The following TNFRSF11B variants were observed in gnomAD, a reference collection of about 807,000 sequenced individuals.
TNFRSF11B encodes tumor necrosis factor receptor superfamily member 11B.
In TNFRSF11B, 16 loss-of-function variants were observed where a neutral mutation model predicts 43.4. That is an observed-to-expected ratio of 0.37 (90% CI 0.25 to 0.56). The LOEUF (loss-of-function observed/expected upper bound fraction) is 0.56, where lower values mean the gene tolerates loss of function less well. TNFRSF11B is among the 20% of genes least tolerant of loss of function. The pLI is 0.80. For synonymous variants in TNFRSF11B, 185 were observed against 181.8 expected (o/e 1.02, Z -0.14); for missense variants, 444 against 490.1 (o/e 0.91, Z 0.89).
chr8:118,933,397 CT>C, intron 1 of TNFRSF11B, 97 bp from the exon 2 acceptor site: 1 of 1,564,148 alleles, frequency 6.4e-7, no homozygotes. Context: ...CCTGTATTAC[CT>C]TAAGCCTAAT....
Position 118,933,059 on chromosome 8 carries a change from T to C in TNFRSF11B, c.272A>G (p.Gln91Arg), listed in dbSNP as rs1563690435. 6.2e-7 allele frequency: 1 copy of C among 1,614,102 alleles called. No individual in the cohort carries two copies. Among genetic ancestry groups the C allele is most frequent in the Non-Finnish European group, 8.5e-7 (1 of 1,180,052 alleles). Reference sequence around the variant, plus strand: ...GCGATTGCACTCCTGCTTGACGTACTGCAGCTCCTTGCACACGGGGCTGCA... The same window carrying C: ...GCGATTGCACTCCTGCTTGACGTACCGCAGCTCCTTGCACACGGGGCTGCA... Reference protein sequence around the residue: ...LYCSPVCKELQYVKQECNRTH... With the variant: ...LYCSPVCKELRYVKQECNRTH... Residue 91 changes from glutamine (Q) to arginine (R), a missense_variant, in exon 2 of 5, where the codon CAG (glutamine) becomes CGG (arginine). By Grantham distance (43) the Gln-to-Arg change is conservative. Transcript: ENST00000297350.
chr8:118,936,415 T>C (rs1192377030), intron 1 of TNFRSF11B, among the ~76,000 whole-genome samples: 1 of 152,098 alleles, frequency 6.6e-6, no homozygotes, highest in African/African-American at 2.4e-5. Flanking sequence ...GATGTTTAGG[T>C]CTCAATCTTT....
At position 118,923,979 on chromosome 8, in the gene TNFRSF11B, T is replaced by C. The variant is rs1812215314; in HGVS notation, c.*395A>G. On this transcript the variant is annotated 3_prime_UTR_variant, in exon 5 of 5. Transcript: ENST00000297350. ...TGTAATAGTGTTACAGATATATTAG[T>C]AACTTTTACAGAAAAAAATATGGCT... 5.6e-6 allele frequency: 1 copy of C among 179,978 alleles called. No individual in the cohort carries two copies. Among genetic ancestry groups the C allele is most frequent in the Non-Finnish European group, 1.2e-5 (1 of 83,142 alleles). 11.1% of individuals were successfully genotyped at this position (179,978 alleles called of 1,614,324 possible). A position where few individuals can be genotyped will look rare whatever the true frequency, so the allele number is the denominator to read the frequency against.
At chr8:118,935,592 T>C (rs1282245464) in intron 1 of TNFRSF11B, among the ~76,000 whole-genome samples, 1 of 152,122 alleles carries the variant, frequency 6.6e-6, no homozygotes, top group African/African-American at 2.4e-5. Flanking sequence ...AATTCTCCTA[T>C]AATATATATA....
chr8:118,947,531 C>T (rs374212919), intron 1 of TNFRSF11B, among the ~76,000 whole-genome samples: 115 of 152,196 alleles, frequency 7.6e-4, no homozygotes, highest in African/African-American at 2.7e-3. Flanking sequence ...GCTGGACATC[C>T]TGAACAATAA....
rs1168202675 is a variant in TNFRSF11B, at chr8:118,951,823, G to A, written c.-2C>T. ...CGCGCAGCACAGCAAGTTGTTCATTGTGGTCCCCGGAAACCTCAGGGGCTT... is the reference window on the plus strand; with the variant it reads ...CGCGCAGCACAGCAAGTTGTTCATTATGGTCCCCGGAAACCTCAGGGGCTT... On this transcript the variant is annotated 5_prime_UTR_variant, in exon 1 of 5. Transcript: ENST00000297350. 1 of 1,589,872 alleles carries A rather than the reference G, an allele frequency of 6.3e-7. No individual in the cohort carries two copies. Among genetic ancestry groups the A allele is most frequent in the Non-Finnish European group, 8.6e-7 (1 of 1,168,184 alleles).
intron 4 of TNFRSF11B, among the ~76,000 whole-genome samples, chr8:118,926,044 TAAG>T (rs751443044): frequency 4.6e-5 from 7 of 152,216 alleles, no homozygotes; most frequent in Non-Finnish European, 1.0e-4. Context: ...TGAGGATTAA[TAAG>T]AACATATTTG....
In TNFRSF11B at chr8:118,926,471, C is replaced by A. The variant is rs1812246577; in HGVS notation, c.817+23G>T. Reference sequence around the variant, plus strand: ...TAGGTGTCTTTGATTTCTGATTGATCTTTTTATTTTAGATTATCATACCTT... The same window carrying A: ...TAGGTGTCTTTGATTTCTGATTGATATTTTTATTTTAGATTATCATACCTT... On this transcript the variant is annotated intron_variant, in intron 4 of 4. Transcript: ENST00000297350. 1.9e-6 allele frequency: 3 copies of A among 1,592,824 alleles called. 1 individual carries two copies. In the Admixed American group the frequency reaches 5.0e-5, roughly 27 times the overall value.
intron 4 of TNFRSF11B, among the ~76,000 whole-genome samples, chr8:118,926,043 A>G (rs896277984): frequency 1.3e-5 from 2 of 152,240 alleles, no homozygotes; most frequent in African/African-American, 4.8e-5. Context: ...ATGAGGATTA[A>G]TAAGAACATA....
chr8:118,941,719 C>CA lies in TNFRSF11B; in HGVS notation c.31-8420dup, dbSNP rs1332588512. Reference sequence around the variant, plus strand: ...TATTTGACAGATTAACAAATGAAGGCAAAAAAACAAAAAACAAAAACAAGA... The same window carrying CA: ...TATTTGACAGATTAACAAATGAAGGCAAAAAAAACAAAAAACAAAAACAAGA... On this transcript the variant is annotated intron_variant, in intron 1 of 4. Transcript: ENST00000297350. Among the ~76,000 whole-genome samples the CA allele has an allele frequency of 1.3e-4, 20 of 150,448 alleles. No homozygotes were observed. The South Asian group carries it at 2.9e-3, about 22-fold the overall frequency.
chr8:118,933,666 A>G (rs1373622033), intron 1 of TNFRSF11B, among the ~76,000 whole-genome samples: 1 of 152,226 alleles, frequency 6.6e-6, no homozygotes, highest in Non-Finnish European at 1.5e-5. Flanking sequence ...GGTAATTCTC[A>G]GAACAGCTAC....
At chr8:118,928,043 T>C (rs1320326100) in intron 3 of TNFRSF11B, among the ~76,000 whole-genome samples, 2 of 150,902 alleles carry the variant, frequency 1.3e-5, no homozygotes, top group African/African-American at 4.9e-5. Flanking sequence ...TGTGTGTGTG[T>C]GATGAAATCT....
intron 3 of TNFRSF11B, among the ~76,000 whole-genome samples, chr8:118,927,842 A>C (rs1812267836): frequency 6.6e-6 from 1 of 152,124 alleles, no homozygotes; most frequent in Admixed American, 6.6e-5. Flanking sequence ...GTGAACACAC[A>C]CACTAGCCTG....
chr8:118,939,266 ATAAT>A (rs1465071734), intron 1 of TNFRSF11B, among the ~76,000 whole-genome samples: 2 of 152,174 alleles, frequency 1.3e-5, no homozygotes, highest in African/African-American at 4.8e-5. Flanking sequence ...CATTCCTCAA[ATAAT>A]TCATTTATTC....
chr8:118,943,026 C>T (rs1387560511), intron 1 of TNFRSF11B, among the ~76,000 whole-genome samples: 1 of 152,034 alleles, frequency 6.6e-6, no homozygotes, highest in Non-Finnish European at 1.5e-5. Flanking sequence ...AATGCTTCTC[C>T]CTTCCTCTCT....
At chr8:118,950,607 T>C (rs988051049) in intron 1 of TNFRSF11B, among the ~76,000 whole-genome samples, 2 of 152,194 alleles carry the variant, frequency 1.3e-5, no homozygotes, top group Non-Finnish European at 1.5e-5. Flanking sequence ...CACTTACCAC[T>C]TGCACAATTC....
chr8:118,924,733 G>T lies in TNFRSF11B; in HGVS notation c.847C>A (p.Arg283=), dbSNP rs1284226568. 1.2e-6 allele frequency: 2 copies of T among 1,614,120 alleles called. No individual in the cohort carries two copies. The highest frequency in any genetic ancestry group is 1.7e-5 in the Admixed American group (1 of 60,028). Residue 283 remains arginine, a synonymous_variant, in exon 5 of 5, where the codon CGG becomes AGG. Coordinates refer to ENST00000297350, the MANE Select transcript of TNFRSF11B (RefSeq NM_002546.4). The stretch of plus-strand genomic sequence containing the variant: ...GTGAGGTTAGCATGTCCAATGTGCC[G>T]CTGCACGCTGTTTTCACAGAGGTCA... ...DIDLCENSVQ[R]HIGHANLTFE...
At chr8:118,934,179 G>C (rs563632792) in intron 1 of TNFRSF11B, among the ~76,000 whole-genome samples, 1 of 152,252 alleles carries the variant, frequency 6.6e-6, no homozygotes, top group East Asian at 1.9e-4. Flanking sequence ...GAAGGTATAT[G>C]ATTACAACAA....
intron 1 of TNFRSF11B, among the ~76,000 whole-genome samples, chr8:118,942,569 G>T (rs1265304039): frequency 2.0e-5 from 3 of 151,954 alleles, no homozygotes; most frequent in African/African-American, 4.8e-5. Flanking sequence ...GAGTGATATG[G>T]CAAAAAATAA....
Sources: gnomAD v4.1 joint callset for allele counts (sites outside exome capture counted in the v4.1 genomes callset) on GRCh38, gnomAD v4.1.1 for gene constraint, MANE v1.5 for transcripts, NCBI Gene and HGNC (gene_info 2026-07-23, HGNC 2026-07-21) for gene names.